GLI3: variants seen among roughly 807,000 people sequenced by gnomAD.
GLI3 encodes the protein GLI family zinc finger 3.
A neutral mutation model predicts 100.8 loss-of-function variants in GLI3; 20 were observed. The ratio of observed to expected loss-of-function variants is 0.20; its 90% CI spans 0.14 to 0.29. The LOEUF is 0.29. Among genes scored for constraint, GLI3 ranks in the 10% least tolerant of loss-of-function variants. GLI3 has a pLI of 1.00. For missense variants in GLI3, 2,040 were observed against 2,128.5 expected, an observed-to-expected ratio of 0.96 and a Z score of 0.82; for synonymous variants, 938 against 860.5, an observed-to-expected ratio of 1.09 and a Z score of -1.58.
intron 2 of GLI3, among the ~76,000 whole-genome samples, chr7:42,200,429 C>A (rs1016692462): frequency 1.3e-5 from 2 of 152,034 alleles, no homozygotes; most frequent in East Asian, 1.9e-4. Context: ...TAAGTACTTG[C>A]GGAAGAAGAA....
intron 3 of GLI3, among the ~76,000 whole-genome samples, chr7:42,085,222 T>C (rs1018550211): frequency 6.6e-6 from 1 of 152,126 alleles, no homozygotes; most frequent in Admixed American, 6.5e-5. Flanking sequence ...CTGGAGTCAA[T>C]AGGATCAGAA....
At chr7:42,218,567 A>C (rs530172849) in intron 2 of GLI3, among the ~76,000 whole-genome samples, 1 of 152,110 alleles carries the variant, frequency 6.6e-6, no homozygotes, top group African/African-American at 2.4e-5. Flanking sequence ...CAAAAAAAAA[A>C]GCAACTCCTT....
At chr7:42,034,955 A>G (rs1789400069) in intron 7 of GLI3, among the ~76,000 whole-genome samples, 1 of 152,184 alleles carries the variant, frequency 6.6e-6, no homozygotes, top group African/African-American at 2.4e-5. Flanking sequence ...TACAGCGACT[A>G]GCACAGAGTT....
chr7:42,241,402 G>A (rs1485136111), upstream of GLI3, among the ~76,000 whole-genome samples: 5 of 152,146 alleles, frequency 3.3e-5, no homozygotes, highest in Middle Eastern at 6.8e-3. Context: ...GTGATTTTGC[G>A]TGTTCTGCAC....
At chr7:42,030,415 A>G (rs1789252951) in intron 7 of GLI3, among the ~76,000 whole-genome samples, 1 of 152,124 alleles carries the variant, frequency 6.6e-6, no homozygotes, top group African/African-American at 2.4e-5. Context: ...TGCCTACCAC[A>G]CTCAAAAGAG....
chr7:41,968,023 T>G lies in GLI3; in HGVS notation c.2104-100A>C, dbSNP rs1787236505. ...ATGCATATCGAGATCTTCAAGATCA[T>G]CAGTTGGTTGAATGAGAAGAAAAAC... On this transcript the variant is annotated intron_variant, in intron 13 of 14. Coordinates refer to ENST00000395925, the MANE Select transcript of GLI3 (RefSeq NM_000168.6). 9.2e-6 allele frequency: 9 copies of G among 976,776 alleles called. No individual in the cohort carries two copies. The East Asian group carries it at 2.1e-4, about 23-fold the overall frequency. 60.5% of individuals were successfully genotyped at this position (976,776 alleles called of 1,614,324 possible).
intron 2 of GLI3, among the ~76,000 whole-genome samples, chr7:42,218,436 G>A (rs955676958): frequency 3.4e-5 from 5 of 147,172 alleles, no homozygotes; most frequent in African/African-American, 7.4e-5. Context: ...AAGTAATTGC[G>A]GTTTTTGTCA....
intron 1 of GLI3, among the ~76,000 whole-genome samples, chr7:42,228,100 A>G (rs1788618984): frequency 6.6e-6 from 1 of 151,764 alleles, no homozygotes; most frequent in Non-Finnish European, 1.5e-5. Context: ...CGGTGGGTTC[A>G]TTAGCGGGCG....
At chr7:41,973,488 C>T (rs1019989534) in intron 12 of GLI3, among the ~76,000 whole-genome samples, 1 of 152,118 alleles carries the variant, frequency 6.6e-6, no homozygotes, top group African/African-American at 2.4e-5. Context: ...CTTATATAAG[C>T]GGATTATTTT....
At chr7:42,183,008 G>T (rs1787648251) in intron 2 of GLI3, among the ~76,000 whole-genome samples, 1 of 151,928 alleles carries the variant, frequency 6.6e-6, no homozygotes, top group African/African-American at 2.4e-5. Flanking sequence ...ATCACTTGAG[G>T]CCAGGAGTTC....
At chr7:42,177,934 G>A (rs1188797221) in intron 2 of GLI3, among the ~76,000 whole-genome samples, 7 of 152,160 alleles carry the variant, frequency 4.6e-5, no homozygotes, top group Admixed American at 3.9e-4. Context: ...ACGCAACCCC[G>A]CTAAGTGTGG....
At chr7:42,121,212 T>A (rs540062341) in intron 3 of GLI3, among the ~76,000 whole-genome samples, 1 of 152,302 alleles carries the variant, frequency 6.6e-6, no homozygotes, top group East Asian at 1.9e-4. Flanking sequence ...AACACAATGG[T>A]CTCAAACTTT....
chr7:41,980,851 A>G (rs1280207810), intron 10 of GLI3, among the ~76,000 whole-genome samples: 1 of 152,364 alleles, frequency 6.6e-6, no homozygotes. Context: ...CATGACAGAC[A>G]TGATTCTTGC....
chr7:42,108,737 AGAAAGG>A (rs1174421867), intron 3 of GLI3, among the ~76,000 whole-genome samples: 1 of 152,214 alleles, frequency 6.6e-6, no homozygotes, highest in Non-Finnish European at 1.5e-5. Context: ...AAAAAGAAAG[AGAAAGG>A]GAAAGGAAAA....
intron 2 of GLI3, among the ~76,000 whole-genome samples, chr7:42,214,164 A>T (rs1394215749): frequency 2.0e-5 from 3 of 152,192 alleles, no homozygotes; most frequent in Admixed American, 6.5e-5. Context: ...CGTTTTAGCA[A>T]ATTATCCCAT....
chr7:41,973,744 T>C (rs1328407807), intron 12 of GLI3, among the ~76,000 whole-genome samples: 1 of 152,182 alleles, frequency 6.6e-6, no homozygotes, highest in Non-Finnish European at 1.5e-5. Context: ...GCTTTTTCAC[T>C]AAAAGCCCAA....
At chr7:42,012,087 G>A (rs1027269864) in intron 10 of GLI3, among the ~76,000 whole-genome samples, 1 of 152,140 alleles carries the variant, frequency 6.6e-6, no homozygotes, top group Non-Finnish European at 1.5e-5. Flanking sequence ...CCAAGTGTCA[G>A]CGCAATATAA....
chr7:42,000,550 G>A (rs756139526), intron 10 of GLI3, among the ~76,000 whole-genome samples: 14 of 151,924 alleles, frequency 9.2e-5, no homozygotes, highest in Non-Finnish European at 1.8e-4. Flanking sequence ...CTAAAGACTC[G>A]GTAAAAGCAA....
chr7:42,228,361 G>C (rs1359339440), intron 1 of GLI3, among the ~76,000 whole-genome samples: 1 of 152,202 alleles, frequency 6.6e-6, no homozygotes, highest in Non-Finnish European at 1.5e-5. Context: ...CAGCCAGGCC[G>C]CGGGAAAAGT....
Sources: gnomAD v4.1 joint callset for allele counts (sites outside exome capture counted in the v4.1 genomes callset) on GRCh38, gnomAD v4.1.1 for gene constraint, MANE v1.5 for transcripts, NCBI Gene and HGNC (gene_info 2026-07-23, HGNC 2026-07-21) for gene names.